The following STXBP5L variants were observed in gnomAD, a reference collection of about 807,000 sequenced individuals.
The protein encoded by STXBP5L is syntaxin binding protein 5L.
STXBP5L carries 65 observed loss-of-function variants against 144.5 expected under a neutral mutation model. The observed-to-expected ratio is 0.45, with a 90% CI of 0.37 to 0.55. The LOEUF (loss-of-function observed/expected upper bound fraction) is 0.55, where lower values mean the gene tolerates loss of function less well. STXBP5L is among the 20% of genes least tolerant of loss of function. The pLI, the probability that STXBP5L is intolerant of heterozygous loss-of-function variation, is 0.00. For missense variants in STXBP5L, 1,298 were observed against 1,405.5 expected (o/e 0.92, Z 1.22); for synonymous variants, 505 against 469.6 (o/e 1.08, Z -0.97).
intron 5 of STXBP5L, among the ~76,000 whole-genome samples, chr3:121,057,247 T>C (rs1429971805): frequency 1.2e-4 from 18 of 151,962 alleles, no homozygotes. Context: ...TAATGCTACA[T>C]GTTAATGTAG....
Position 121,073,314 on chromosome 3 carries a change from T to C in STXBP5L, c.470+27779T>C, listed in dbSNP as rs113636572. Among the ~76,000 whole-genome samples, 381 of 152,336 alleles carry C rather than the reference T, an allele frequency of 2.5e-3. 2 individuals carry two copies. The highest frequency in any genetic ancestry group is 8.6e-3 in the African/African-American group (358 of 41,578). On this transcript the variant is annotated intron_variant, in intron 5 of 26. Coordinates refer to ENST00000471454, the MANE Select transcript of STXBP5L (RefSeq NM_001308330.2). ...GTAGGGGTTTTCACACAAAAGCCCT[T>C]GATATCTTAACATCTTAGGGTTAGA...
At chr3:121,042,035 A>C (rs1415281802) in intron 4 of STXBP5L, among the ~76,000 whole-genome samples, 3 of 152,166 alleles carry the variant, frequency 2.0e-5, no homozygotes, top group Non-Finnish European at 2.9e-5. Context: ...TATTTAAATT[A>C]AGAAAAAATC....
chr3:121,331,518 G>A (rs987399217), intron 20 of STXBP5L, among the ~76,000 whole-genome samples: 1 of 152,220 alleles, frequency 6.6e-6, no homozygotes, highest in African/African-American at 2.4e-5. Flanking sequence ...AGAGGTGCCT[G>A]TCTAATCTGA....
At chr3:121,079,597 A>C (rs138964898) in intron 5 of STXBP5L, among the ~76,000 whole-genome samples, 1 of 152,208 alleles carries the variant, frequency 6.6e-6, no homozygotes, top group Non-Finnish European at 1.5e-5. Context: ...AAAATAATTC[A>C]AGAGCGTATT....
intron 5 of STXBP5L, among the ~76,000 whole-genome samples, chr3:121,113,742 C>T (rs1267252024): frequency 9.1e-5 from 13 of 142,732 alleles, no homozygotes; most frequent in South Asian, 2.2e-4. Context: ...GGCACAGTCT[C>T]GGCTCATGGT....
At chr3:121,410,908 TC>T (rs2047101128) in intron 23 of STXBP5L, among the ~76,000 whole-genome samples, 1 of 152,116 alleles carries the variant, frequency 6.6e-6, no homozygotes, top group African/African-American at 2.4e-5. Flanking sequence ...AATTTTCTTT[TC>T]TTGGCTTACT....
rs890982381 is a variant in STXBP5L, at chr3:120,959,021, A to C, written c.287+3984A>C. On this transcript the variant is annotated intron_variant, in intron 3 of 26. Coordinates refer to ENST00000471454, the MANE Select transcript of STXBP5L (RefSeq NM_001308330.2). ...CTAGAAATCCCCATCATCTCAGCCC[A>C]AAATCTCCATAAGCTGATAAGCAAC... Among the ~76,000 whole-genome samples the C allele has an allele frequency of 1.2e-4, 18 of 152,336 alleles. No individual in the cohort carries two copies. In the East Asian group the frequency reaches 3.3e-3, roughly 28 times the overall value.
intron 7 of STXBP5L, among the ~76,000 whole-genome samples, chr3:121,138,181 A>G (rs1400932759): frequency 2.0e-5 from 3 of 152,108 alleles, no homozygotes; most frequent in Non-Finnish European, 4.4e-5. Context: ...TATCCATTAA[A>G]AAAACTGGGA....
chr3:121,274,380 G>C (rs570990871), intron 18 of STXBP5L, among the ~76,000 whole-genome samples: 27 of 152,370 alleles, frequency 1.8e-4, no homozygotes, highest in Non-Finnish European at 3.8e-4. Context: ...AGAAGCCAAA[G>C]TTGCAGATGT....
At chr3:121,401,635 A>G (rs1367195263) in intron 22 of STXBP5L, among the ~76,000 whole-genome samples, 1 of 126,904 alleles carries the variant, frequency 7.9e-6, no homozygotes, top group East Asian at 2.2e-4. Context: ...TCAGTAAACT[A>G]TCGCAAGAAC....
At chr3:121,057,882 A>T (rs1406445739) in intron 5 of STXBP5L, among the ~76,000 whole-genome samples, 1 of 152,012 alleles carries the variant, frequency 6.6e-6, no homozygotes, top group African/African-American at 2.4e-5. Context: ...TATCTTCCAA[A>T]TACATACTAT....
At chr3:121,391,756 C>A (rs569030940) in intron 22 of STXBP5L, among the ~76,000 whole-genome samples, 5 of 152,162 alleles carry the variant, frequency 3.3e-5, no homozygotes, top group Admixed American at 3.3e-4. Context: ...AATATTGCTG[C>A]CTGATCCTTC....
At chr3:121,160,816 A>G (rs2046298474) in intron 9 of STXBP5L, among the ~76,000 whole-genome samples, 1 of 152,036 alleles carries the variant, frequency 6.6e-6, no homozygotes, top group African/African-American at 2.4e-5. Flanking sequence ...TTCTAGTAGA[A>G]TTCCATTTTA....
chr3:120,988,188 A>G (rs746836921), intron 3 of STXBP5L, among the ~76,000 whole-genome samples: 2 of 150,530 alleles, frequency 1.3e-5, no homozygotes, highest in Non-Finnish European at 3.0e-5. Context: ...AGTTTCTTGA[A>G]GTAGGAACTT....
intron 19 of STXBP5L, chr3:121,282,387 G>C (rs1341845365): frequency 3.2e-6 from 5 of 1,553,446 alleles, no homozygotes; most frequent in Non-Finnish European, 4.4e-6. Flanking sequence ...CATAATGCTT[G>C]AGTTAAATCC....
At chr3:120,972,562 T>A (rs1195689379) in intron 3 of STXBP5L, among the ~76,000 whole-genome samples, 1 of 152,090 alleles carries the variant, frequency 6.6e-6, no homozygotes, top group Non-Finnish European at 1.5e-5. Context: ...GCCTCTTATT[T>A]CTTTCTCTCT....
chr3:121,282,348 T>C, intron 19 of STXBP5L: 1 of 1,609,922 alleles, frequency 6.2e-7, no homozygotes, highest in Non-Finnish European at 8.5e-7. Flanking sequence ...GTAAGTTATA[T>C]AAAGGTTAGG....
At position 121,007,528 on chromosome 3, in the gene STXBP5L, A is replaced by G. The variant is rs148841492; in HGVS notation, c.288-34172A>G. Among the ~76,000 whole-genome samples, 150 of 152,134 alleles carry G rather than the reference A, an allele frequency of 9.9e-4. No homozygotes were observed. The East Asian group carries it at 0.019, about 20-fold the overall frequency. ...TTTGGGTATGAATTTTTTTCTTGGAAAGTTTTAAACTAGAAATTAAAATTC... is the reference window on the plus strand; with the variant it reads ...TTTGGGTATGAATTTTTTTCTTGGAGAGTTTTAAACTAGAAATTAAAATTC... On this transcript the variant is annotated intron_variant, in intron 3 of 26. Transcript: ENST00000471454.
chr3:120,998,342 G>A (rs1317147659), intron 3 of STXBP5L, among the ~76,000 whole-genome samples: 1 of 152,018 alleles, frequency 6.6e-6, no homozygotes, highest in East Asian at 1.9e-4. Context: ...CCTGTAATCT[G>A]TGCCCCAAAG....
Sources: gnomAD v4.1 joint callset for allele counts (sites outside exome capture counted in the v4.1 genomes callset) on GRCh38, gnomAD v4.1.1 for gene constraint, MANE v1.5 for transcripts, NCBI Gene and HGNC (gene_info 2026-07-23, HGNC 2026-07-21) for gene names.